WDFY3: variants seen among roughly 807,000 people sequenced by gnomAD.
WDFY3 encodes WD repeat and FYVE domain-containing protein 3.
In WDFY3, 66 loss-of-function variants were observed where a neutral mutation model predicts 409.6. The observed-to-expected ratio is 0.16, with a 90% CI of 0.13 to 0.20. The LOEUF is 0.20. Among genes scored for constraint, WDFY3 ranks in the 10% least tolerant of loss-of-function variants. The probability of loss-of-function intolerance (pLI) is 1.00; values close to 1 mark genes in which losing one functional copy is unlikely to be tolerated. For missense variants in WDFY3, 3,031 were observed against 4,298.1 expected (o/e 0.71, Z 8.24); for synonymous variants, 1,521 against 1,537.1 (o/e 0.99, Z 0.25).
chr4:84,950,474 A>G (rs771519194), intron 1 of WDFY3, among the ~76,000 whole-genome samples: 1 of 152,128 alleles, frequency 6.6e-6, no homozygotes, highest in African/African-American at 2.4e-5. Context: ...GAACTCTTTG[A>G]AAGAAGTAAT....
chr4:84,824,673 T>C (rs1208084833), intron 10 of WDFY3, among the ~76,000 whole-genome samples: 1 of 152,126 alleles, frequency 6.6e-6, no homozygotes, highest in Non-Finnish European at 1.5e-5. Flanking sequence ...ACGGTGGTGA[T>C]TACACAACCA....
chr4:84,829,624 T>C (rs1755372727), intron 8 of WDFY3, among the ~76,000 whole-genome samples: 1 of 151,982 alleles, frequency 6.6e-6, no homozygotes, highest in Non-Finnish European at 1.5e-5. Context: ...CTGGCTAACA[T>C]GGTGAAACCC....
Position 84,675,906 on chromosome 4 carries a change from C to T in WDFY3, c.10457+1293G>A, listed in dbSNP as rs575245759. On this transcript the variant is annotated intron_variant, in intron 67 of 67. Transcript: ENST00000295888. ...TTCATATGGGGGAAAAATAGATCCTCGCCTCATGTTATACCCCAAAATAAA... is the reference window on the plus strand; with the variant it reads ...TTCATATGGGGGAAAAATAGATCCTTGCCTCATGTTATACCCCAAAATAAA... Among the ~76,000 whole-genome samples, 9 of 152,186 alleles carry T rather than the reference C, an allele frequency of 5.9e-5. No individual in the cohort carries two copies. In the East Asian group the frequency reaches 1.2e-3, roughly 20 times the overall value.
chr4:84,823,817 G>A (rs1470486214), intron 10 of WDFY3, among the ~76,000 whole-genome samples: 1 of 152,136 alleles, frequency 6.6e-6, no homozygotes, highest in Non-Finnish European at 1.5e-5. Context: ...TGACATTACT[G>A]ATGTGAATGC....
intron 43 of WDFY3, among the ~76,000 whole-genome samples, chr4:84,734,292 A>C (rs904677319): frequency 2.0e-4 from 31 of 152,346 alleles, no homozygotes; most frequent in African/African-American, 7.2e-4. Context: ...TAACTTGCCC[A>C]ATGATTCATG....
intron 1 of WDFY3, among the ~76,000 whole-genome samples, chr4:84,941,186 A>T (rs1167742482): frequency 6.6e-6 from 1 of 152,038 alleles, no homozygotes; most frequent in Non-Finnish European, 1.5e-5. Context: ...AACTGTCTTT[A>T]TTCCAGGCAG....
At chr4:84,929,370 T>C (rs193278617) in intron 2 of WDFY3, among the ~76,000 whole-genome samples, 13 of 152,158 alleles carry the variant, frequency 8.5e-5, no homozygotes, top group Non-Finnish European at 1.5e-4. Flanking sequence ...TCAGTTAAGC[T>C]GCACTCAGAT....
chr4:84,679,174 T>C lies in WDFY3; in HGVS notation c.9892A>G (p.Lys3298Glu). The change falls in exon 65 of 68, where the codon AAG becomes GAG. Residue 3298 changes from lysine to glutamate, a missense_variant. By Grantham distance (56) the Lys-to-Glu change is moderately conservative. Transcript: ENST00000295888. ...CTGCTGGGTTGGCTTGGAGTGTCCT[T>C]AGGGTCCTGGCTGATGCTCTGCTCA... ...ADEQSISQDP[K>E]DTPSQPSSTS... is the part of the protein sequence containing the mutation. 6.2e-7 allele frequency: 1 copy of C among 1,611,642 alleles called. No homozygotes were observed. The highest frequency in any genetic ancestry group is 8.5e-7 in the Non-Finnish European group (1 of 1,178,554).
chr4:84,876,580 T>G (rs963937597), intron 3 of WDFY3, among the ~76,000 whole-genome samples: 1 of 152,134 alleles, frequency 6.6e-6, no homozygotes, highest in Admixed American at 6.6e-5. Flanking sequence ...TACCAGTAAA[T>G]GGTTATTTAT....
At chr4:84,782,886 C>A in intron 25 of WDFY3, 77 bp downstream of exon 25, 4 of 1,293,516 alleles carry the variant, frequency 3.1e-6, no homozygotes, top group Admixed American at 1.8e-5. Flanking sequence ...TTAAATACTG[C>A]CCCTTAAGTG....
At chr4:84,756,888 T>C in intron 33 of WDFY3, 38 bp downstream of exon 33, 1 of 1,579,400 alleles carries the variant, frequency 6.3e-7, no homozygotes, top group African/African-American at 1.3e-5. Context: ...TTCTTTGGAA[T>C]ACGTAATTTC....
At chr4:84,733,884 TG>T (rs1279868330) in intron 43 of WDFY3, among the ~76,000 whole-genome samples, 1 of 152,212 alleles carries the variant, frequency 6.6e-6, no homozygotes, top group Admixed American at 6.5e-5. Flanking sequence ...TTTGTTTCTC[TG>T]GCACAGGAAA....
chr4:84,890,749 A>G (rs1014898257), intron 3 of WDFY3, among the ~76,000 whole-genome samples: 2 of 152,316 alleles, frequency 1.3e-5, no homozygotes, highest in Admixed American at 6.5e-5. Context: ...AAGCAGCCAT[A>G]TATAATAGGT....
chr4:84,695,909 T>A, intron 58 of WDFY3, 61 bp downstream of exon 58: 1 of 1,478,298 alleles, frequency 6.8e-7, no homozygotes, highest in East Asian at 2.3e-5. Context: ...TAATCTACAA[T>A]CTAGAGAAAT....
rs1349635146 is a variant in WDFY3 at position 84,735,038 on chromosome 4, C to T, written c.6993+5G>A. ...CAAACCATTATGATGATTATAAGTC[C>T]TTACCTCCTGATATTCTTTATATTG... On this transcript the variant is annotated splice_donor_5th_base_variant and intron_variant, in intron 43 of 67. Transcript: ENST00000295888. 6.2e-7 allele frequency: 1 copy of T among 1,609,456 alleles called. No homozygotes were observed. The highest frequency in any genetic ancestry group is 1.1e-5 in the South Asian group (1 of 90,638).
intron 3 of WDFY3, among the ~76,000 whole-genome samples, chr4:84,873,544 C>A (rs904491516): frequency 6.6e-6 from 1 of 151,696 alleles, no homozygotes; most frequent in Non-Finnish European, 1.5e-5. Context: ...AAAAGAAGAA[C>A]GATCTAAGGA....
chr4:84,732,157 G>A (rs1736703413), intron 44 of WDFY3, among the ~76,000 whole-genome samples: 2 of 152,118 alleles, frequency 1.3e-5, no homozygotes, highest in Admixed American at 6.6e-5. Flanking sequence ...ATTCTTGGCA[G>A]AATTGAATAG....
At chr4:84,940,525 T>C (rs1000805839) in intron 1 of WDFY3, among the ~76,000 whole-genome samples, 1 of 152,078 alleles carries the variant, frequency 6.6e-6, no homozygotes, top group Non-Finnish European at 1.5e-5. Flanking sequence ...CCCCATTACC[T>C]CTCACTACCC....
chr4:84,924,888 T>C (rs1769767146), intron 2 of WDFY3, among the ~76,000 whole-genome samples: 2 of 152,326 alleles, frequency 1.3e-5, no homozygotes, highest in East Asian at 3.9e-4. Flanking sequence ...TGTAAGATCA[T>C]GGCTCCAAAT....
Sources: allele counts gnomAD v4.1 joint callset (sites outside exome capture counted in the v4.1 genomes callset), GRCh38; gene constraint gnomAD v4.1.1; transcripts MANE v1.5; gene names NCBI Gene and HGNC (gene_info 2026-07-23, HGNC 2026-07-21).